The following ZNF385D variants were observed in gnomAD, a reference collection of about 807,000 sequenced individuals.
ZNF385D encodes the protein zinc finger protein 385D, also known as zinc finger protein 659.
A neutral mutation model predicts 35.8 loss-of-function variants in ZNF385D; 15 were observed. That is an observed-to-expected ratio of 0.42 (90% CI 0.28 to 0.64). The LOEUF (loss-of-function observed/expected upper bound fraction) is 0.64. ZNF385D is among the 30% of genes least tolerant of loss of function. The pLI, the probability that ZNF385D is intolerant of heterozygous loss-of-function variation, is 0.23. For synonymous variants in ZNF385D, 212 were observed against 186.8 expected (o/e 1.13, Z -1.10); for missense variants, 474 against 494.6 (o/e 0.96, Z 0.39).
At chr3:21,998,283 A>G (rs931974601) in intron 3 of ZNF385D, among the ~76,000 whole-genome samples, 3 of 152,084 alleles carry the variant, frequency 2.0e-5, no homozygotes, top group Non-Finnish European at 2.9e-5. Flanking sequence ...CTGTCTATGG[A>G]CTAGCCATTT....
chr3:21,561,789 A>G (rs1368474518), intron 3 of ZNF385D: 1 of 151,430 alleles, frequency 6.6e-6, no homozygotes, highest in Non-Finnish European at 1.5e-5. Context: ...CCCCAAAACA[A>G]TCACAATAGT....
At chr3:22,284,918 G>A (rs1701948483) in intron 2 of ZNF385D, among the ~76,000 whole-genome samples, 1 of 152,082 alleles carries the variant, frequency 6.6e-6, no homozygotes, top group Non-Finnish European at 1.5e-5. Context: ...TAAAAGGGCA[G>A]GCAGGAAAGA....
At chr3:22,001,188 A>G (rs1047562978) in intron 3 of ZNF385D, among the ~76,000 whole-genome samples, 1 of 152,162 alleles carries the variant, frequency 6.6e-6, no homozygotes, top group South Asian at 2.1e-4. Flanking sequence ...TCCCTACTTA[A>G]AAGATATAGA....
chr3:21,799,452 G>A (rs2072300410), intron 3 of ZNF385D, among the ~76,000 whole-genome samples: 2 of 152,140 alleles, frequency 1.3e-5, no homozygotes, highest in Non-Finnish European at 2.9e-5. Flanking sequence ...AGGCATCCTA[G>A]TGGGTATGGA....
chr3:22,322,059 C>T (rs1694462536), intron 2 of ZNF385D, among the ~76,000 whole-genome samples: 1 of 151,980 alleles, frequency 6.6e-6, no homozygotes, highest in African/African-American at 2.4e-5. Flanking sequence ...GTTATTTAAC[C>T]CATTTAGGTC....
chr3:21,513,439 G>T (rs766745062), intron 3 of ZNF385D, among the ~76,000 whole-genome samples: 3 of 151,926 alleles, frequency 2.0e-5, no homozygotes, highest in Non-Finnish European at 4.4e-5. Flanking sequence ...ATATTCACTC[G>T]TTTATTGAAT....
chr3:22,105,656 C>T (rs1022761859), intron 3 of ZNF385D, among the ~76,000 whole-genome samples: 1 of 151,970 alleles, frequency 6.6e-6, no homozygotes, highest in African/African-American at 2.4e-5. Flanking sequence ...TGACAGATGT[C>T]CTGGCCCAAC....
At chr3:22,369,707 G>T (rs1252963227) in intron 2 of ZNF385D, among the ~76,000 whole-genome samples, 1 of 152,096 alleles carries the variant, frequency 6.6e-6, no homozygotes, top group African/African-American at 2.4e-5. Flanking sequence ...TGAGATCTGT[G>T]ACTTAAAATA....
intron 2 of ZNF385D, among the ~76,000 whole-genome samples, chr3:22,350,312 G>A (rs1441784980): frequency 6.6e-6 from 1 of 152,090 alleles, no homozygotes; most frequent in African/African-American, 2.4e-5. Context: ...ATGTATGGTT[G>A]AAAAATAACT....
chr3:21,521,517 C>T (rs548223315), intron 3 of ZNF385D, among the ~76,000 whole-genome samples: 1 of 152,254 alleles, frequency 6.6e-6, no homozygotes, highest in East Asian at 1.9e-4. Context: ...CTTTGGGAGG[C>T]CACAGTGGTA....
chr3:22,266,212 C>A (rs889946457), intron 2 of ZNF385D, among the ~76,000 whole-genome samples: 1 of 151,986 alleles, frequency 6.6e-6, no homozygotes, highest in South Asian at 2.1e-4. Flanking sequence ...GGAAGAGGAG[C>A]CAGGTCTGGA....
At chr3:21,583,733 GTTA>G (rs1159404182) in intron 2 of ZNF385D, among the ~76,000 whole-genome samples, 8 of 150,802 alleles carry the variant, frequency 5.3e-5, no homozygotes, top group Non-Finnish European at 1.0e-4. Flanking sequence ...TTACTCTACA[GTTA>G]TTTTTATTCA....
intron 3 of ZNF385D, among the ~76,000 whole-genome samples, chr3:22,138,499 C>T (rs1704297782): frequency 6.6e-6 from 1 of 151,698 alleles, no homozygotes; most frequent in Non-Finnish European, 1.5e-5. Flanking sequence ...ACAGAGCCCT[C>T]AGAAATAATG....
intron 3 of ZNF385D, among the ~76,000 whole-genome samples, chr3:21,790,179 G>A (rs187957862): frequency 2.0e-4 from 31 of 152,088 alleles, no homozygotes; most frequent in African/African-American, 7.0e-4. Context: ...AAGAAGTCTC[G>A]GGGGACAGAT....
intron 2 of ZNF385D, among the ~76,000 whole-genome samples, chr3:22,330,466 T>G (rs1694883097): frequency 6.6e-6 from 1 of 152,180 alleles, no homozygotes; most frequent in Non-Finnish European, 1.5e-5. Flanking sequence ...TTTGTTGATG[T>G]CTTCACCCTT....
intron 4 of ZNF385D, among the ~76,000 whole-genome samples, chr3:21,480,432 C>A (rs1246682017): frequency 6.6e-6 from 1 of 152,010 alleles, no homozygotes; most frequent in Non-Finnish European, 1.5e-5. Context: ...AAACTTCTCA[C>A]TTGTGTGGGA....
rs113234165 is a variant in ZNF385D, at chr3:22,342,956, C to G, written c.106+29494G>C. On this transcript the variant is annotated intron_variant, in intron 2 of 5. Transcript: ENST00000494108. ...TCAGGTAGCTATTGAGCATTTAAAA[C>G]ATGACCAGTCCAAATTGAGATGTGC... Among the ~76,000 whole-genome samples the G allele has an allele frequency of 2.0e-4, 31 of 152,306 alleles. 2 individuals are homozygous for G. Among genetic ancestry groups the G allele is most frequent in the African/African-American group, 7.5e-4 (31 of 41,578 alleles).
intron 2 of ZNF385D, among the ~76,000 whole-genome samples, chr3:22,192,303 A>G (rs1696111433): frequency 6.6e-6 from 1 of 152,178 alleles, no homozygotes; most frequent in African/African-American, 2.4e-5. Context: ...TTTCCCCAGA[A>G]CAAAGAAATC....
At chr3:21,444,460 C>G (rs929045229) in intron 4 of ZNF385D, among the ~76,000 whole-genome samples, 120 of 147,530 alleles carry the variant, frequency 8.1e-4, no homozygotes, top group African/African-American at 2.8e-3. Flanking sequence ...TCCCGGCTCA[C>G]TGCAAGCTCC....
Sources: allele counts gnomAD v4.1 joint callset (sites outside exome capture counted in the v4.1 genomes callset), GRCh38; gene constraint gnomAD v4.1.1; transcripts MANE v1.5; gene names NCBI Gene and HGNC (gene_info 2026-07-23, HGNC 2026-07-21).